The following SYNRG variants were observed in gnomAD, a reference collection of about 807,000 sequenced individuals.
The protein encoded by SYNRG is synergin gamma.
SYNRG carries 37 observed loss-of-function variants against 130.9 expected under a neutral mutation model. That is an observed-to-expected ratio of 0.28 (90% CI 0.22 to 0.37). SYNRG has a LOEUF of 0.37. Ranked by LOEUF, SYNRG falls within the 10% of genes least tolerant of loss-of-function variation. The probability of loss-of-function intolerance (pLI) is 1.00; values close to 1 mark genes in which losing one functional copy is unlikely to be tolerated. For synonymous variants in SYNRG, 539 were observed against 568.1 expected, an observed-to-expected ratio of 0.95 and a Z score of 0.73; for missense variants, 1,338 against 1,588.9, an observed-to-expected ratio of 0.84 and a Z score of 2.68.
intron 11 of SYNRG, among the ~76,000 whole-genome samples, chr17:37,564,548 G>A (rs551053947): frequency 3.3e-5 from 5 of 152,136 alleles, no homozygotes; most frequent in Admixed American, 6.6e-5. Flanking sequence ...AACTGGTGCC[G>A]TCCTTAACTA....
At position 37,609,264 on chromosome 17, in the gene SYNRG, G is replaced by A. The variant is rs2064175029; in HGVS notation, c.77+15C>T. The A allele has an allele frequency of 7.0e-7, 1 of 1,431,138 alleles. No homozygotes were observed. The highest frequency in any genetic ancestry group is 9.1e-7 in the Non-Finnish European group (1 of 1,099,102). 88.7% of individuals were successfully genotyped at this position (1,431,138 alleles called of 1,614,324 possible). On this transcript the variant is annotated intron_variant, in intron 1 of 21. Coordinates refer to ENST00000612223, the MANE Select transcript of SYNRG (RefSeq NM_007247.6). ...GCGGAGGCCAGCGGGCTCCCGCCCG[G>A]CTCTTCACACCTACCCGCCTCCCCC...
At chr17:37,552,116 A>G (rs569677503) in intron 14 of SYNRG, among the ~76,000 whole-genome samples, 1 of 152,312 alleles carries the variant, frequency 6.6e-6, no homozygotes, top group East Asian at 1.9e-4. Context: ...AGGACTTTAC[A>G]ATTTCTGCCT....
Position 37,540,363 on chromosome 17 carries a change from G to A in SYNRG, c.3366+17C>T. The A allele has an allele frequency of 6.2e-7, 1 of 1,612,240 alleles. No individual in the cohort carries two copies. Among genetic ancestry groups the A allele is most frequent in the Non-Finnish European group, 8.5e-7 (1 of 1,179,468 alleles). ...GCTGGTCTGTTACCCACCCCTTGTA[G>A]AAAGCTCTCCTCTCACCTCCACCTC... On this transcript the variant is annotated intron_variant, in intron 16 of 21. Coordinates refer to ENST00000612223, the MANE Select transcript of SYNRG (RefSeq NM_007247.6).
At chr17:37,546,060 C>T (rs2058250465) in intron 14 of SYNRG, among the ~76,000 whole-genome samples, 1 of 152,204 alleles carries the variant, frequency 6.6e-6, no homozygotes, top group African/African-American at 2.4e-5. Context: ...GAAAATTCTT[C>T]ATTTCCCCTG....
At chr17:37,593,792 G>A (rs997362155) in intron 3 of SYNRG, among the ~76,000 whole-genome samples, 2 of 151,588 alleles carry the variant, frequency 1.3e-5, no homozygotes, top group East Asian at 1.9e-4. Context: ...GCTGAGGCAG[G>A]AGAATCGCTT....
intron 11 of SYNRG, 70 bp downstream of exon 11, chr17:37,568,721 G>T: frequency 6.5e-7 from 1 of 1,541,710 alleles, no homozygotes. Context: ...CTCACACCTA[G>T]CCTTCCTATT....
intron 15 of SYNRG, chr17:37,541,379 G>T: frequency 2.1e-6 from 1 of 473,632 alleles, no homozygotes; most frequent in Non-Finnish European, 2.8e-6. Context: ...TGGTAGGAGA[G>T]AGAGAATGAC....
intron 15 of SYNRG, chr17:37,541,143 G>A (rs1292517463): frequency 1.0e-6 from 1 of 985,314 alleles, no homozygotes; most frequent in Non-Finnish European, 1.2e-6. Flanking sequence ...GAGAACAAAA[G>A]CACCTTTCTA....
At chr17:37,594,488 A>T (rs1598608780) in intron 3 of SYNRG, among the ~76,000 whole-genome samples, 2 of 129,480 alleles carry the variant, frequency 1.5e-5, no homozygotes, top group African/African-American at 5.8e-5. Flanking sequence ...TTTGAGATGG[A>T]ATCTCACTCT....
rs955771689 is a variant in SYNRG, at chr17:37,553,665, C to A, written c.2058G>T (p.Gly686=). ...TAAAATCTGCAAAGTCATCCTGCTC[C>A]CCAACAGGTGCTAGACCAGAATATT... ...FGEYSGLAPV[G]EQDDFADFMA... is the part of the protein sequence containing the mutation. Residue 686 remains glycine (G), a synonymous_variant, in exon 14 of 22, where the codon GGG becomes GGT. Coordinates refer to ENST00000612223, the MANE Select transcript of SYNRG (RefSeq NM_007247.6). 11 of 1,613,884 alleles carry A rather than the reference C, an allele frequency of 6.8e-6. No individual in the cohort carries two copies. The highest frequency in any genetic ancestry group is 9.3e-6 in the Non-Finnish European group (11 of 1,179,988).
chr17:37,596,432 C>A (rs946869437), intron 2 of SYNRG, 88 bp from the exon 3 acceptor site: 42 of 1,473,234 alleles, frequency 2.9e-5, no homozygotes, highest in Admixed American at 3.9e-5. Context: ...TGTTACTTGG[C>A]AGGAAGCAGA....
intron 21 of SYNRG, among the ~76,000 whole-genome samples, 165 bp downstream of exon 21, chr17:37,520,014 C>A (rs1335480701): frequency 6.6e-6 from 1 of 152,124 alleles, no homozygotes; most frequent in Non-Finnish European, 1.5e-5. Flanking sequence ...TGGACCCACA[C>A]AGACACATTA....
chr17:37,549,965 T>C (rs548189746), intron 14 of SYNRG, among the ~76,000 whole-genome samples: 49 of 152,266 alleles, frequency 3.2e-4, no homozygotes, highest in African/African-American at 1.0e-3. Context: ...CACTTTCCAT[T>C]ATGCAGATTA....
chr17:37,568,828 C>G lies in SYNRG; in HGVS notation c.1444G>C (p.Ala482Pro), dbSNP rs765909668. The change falls in exon 11 of 22, where the codon GCT becomes CCT. Residue 482 changes from alanine to proline, a missense_variant. Transcript: ENST00000612223. Reference sequence around the variant, plus strand: ...TGGGAGTTACTTGTTTTTGAAGAAGCAGGCAACTCTTGGAAATCACTGAAT... The same window carrying G: ...TGGGAGTTACTTGTTTTTGAAGAAGGAGGCAACTCTTGGAAATCACTGAAT... ...DSFSDFQELP[A>P]SSKTSNSQHG... 2.5e-6 allele frequency: 4 copies of G among 1,613,964 alleles called. No individual in the cohort carries two copies. The highest frequency in any genetic ancestry group is 1.7e-5 in the Admixed American group (1 of 60,004).
intron 7 of SYNRG, among the ~76,000 whole-genome samples, chr17:37,576,727 AGAT>A (rs2060867731): frequency 6.6e-6 from 1 of 152,254 alleles, no homozygotes; most frequent in East Asian, 1.9e-4. Flanking sequence ...AAAACATGAT[AGAT>A]GATAGTTTAA....
rs533989798 is a variant in SYNRG at position 37,582,848 on chromosome 17, C to A, written c.589+1800G>T. ...CGCACTAGGGCAATAGAATGAGACC[C>A]TGTCTCAAAAAAAAAGTTATATGAT... On this transcript the variant is annotated intron_variant, in intron 6 of 21. Transcript: ENST00000612223. Among the ~76,000 whole-genome samples, 8 of 151,600 alleles carry A rather than the reference C, an allele frequency of 5.3e-5. No homozygotes were observed. The South Asian group carries it at 1.7e-3, about 32-fold the overall frequency.
intron 2 of SYNRG, among the ~76,000 whole-genome samples, chr17:37,599,063 C>A (rs2063032147): frequency 6.6e-6 from 1 of 152,256 alleles, no homozygotes; most frequent in Non-Finnish European, 1.5e-5. Flanking sequence ...GGATGAGCCA[C>A]TGACCACCTG....
At chr17:37,602,760 A>G (rs1239298523) in intron 1 of SYNRG, among the ~76,000 whole-genome samples, 1 of 152,230 alleles carries the variant, frequency 6.6e-6, no homozygotes, top group Non-Finnish European at 1.5e-5. Context: ...GAGGTGGTGC[A>G]TGCCTGTAAT....
At chr17:37,541,748 G>T in intron 15 of SYNRG, 1 of 592,222 alleles carries the variant, frequency 1.7e-6, no homozygotes, top group Non-Finnish European at 3.0e-6. Context: ...ATACCTGCAT[G>T]CTGTGCTTGT....
Sources: gnomAD v4.1 joint callset for allele counts (sites outside exome capture counted in the v4.1 genomes callset) on GRCh38, gnomAD v4.1.1 for gene constraint, MANE v1.5 for transcripts, NCBI Gene and HGNC (gene_info 2026-07-23, HGNC 2026-07-21) for gene names.